ELSPBP1: variants seen among roughly 807,000 people sequenced by gnomAD.
ELSPBP1 encodes the protein epididymal sperm-binding protein 1.
A neutral mutation model predicts 33.3 loss-of-function variants in ELSPBP1; 38 were observed. The observed-to-expected ratio is 1.14, with a 90% CI of 0.88 to 1.50. The LOEUF is 1.50. Ranked by LOEUF, ELSPBP1 falls within the 40% of genes most tolerant of loss-of-function variation. ELSPBP1 has a pLI of 0.00. For synonymous variants in ELSPBP1, 85 were observed against 94.1 expected, an observed-to-expected ratio of 0.90 and a Z score of 0.56; for missense variants, 267 against 263.5, an observed-to-expected ratio of 1.01 and a Z score of -0.09.
intron 1 of ELSPBP1, among the ~76,000 whole-genome samples, chr19:47,999,080 G>T (rs1257100473): frequency 6.6e-6 from 1 of 152,180 alleles, no homozygotes. Flanking sequence ...CTCACACTGT[G>T]TGTGGCTGAC....
At chr19:48,014,760 A>AAG (rs966634765) in intron 3 of ELSPBP1, among the ~76,000 whole-genome samples, 1 of 151,562 alleles carries the variant, frequency 6.6e-6, no homozygotes, top group African/African-American at 2.4e-5. Context: ...AAATAAAAAA[A>AAG]AAAGAAAAAG....
intron 6 of ELSPBP1, among the ~76,000 whole-genome samples, chr19:48,023,429 AGG>A: frequency 8.7e-6 from 1 of 114,402 alleles, no homozygotes; most frequent in East Asian, 3.1e-4. Context: ...GGAGGGAAGG[AGG>A]AAGGGAGAAA....
intron 6 of ELSPBP1, among the ~76,000 whole-genome samples, chr19:48,023,199 AGGAAGGAAGGAG>A (rs1157973911): frequency 1.5e-5 from 2 of 131,760 alleles, no homozygotes; most frequent in African/African-American, 2.9e-5. Context: ...CGGAGGGGAA[AGGAAGGAAGGAG>A]GGAAGGAAGG....
Position 48,015,923 on chromosome 19 carries a change from A to G in ELSPBP1, c.239A>G (p.Tyr80Cys), listed in dbSNP as rs747733265. ...DYPRCIFPFI[Y>C]RGKAYNSCIS... Reference sequence around the variant, plus strand: ...CCACGCTGTATCTTCCCTTTCATCTATCGAGGAAAGGCTTATAACAGCTGC... The same window carrying G: ...CCACGCTGTATCTTCCCTTTCATCTGTCGAGGAAAGGCTTATAACAGCTGC... Residue 80 changes from tyrosine (Y) to cysteine (C), a missense_variant, in exon 4 of 7, where the codon TAT becomes TGT. Physicochemically the swap from Tyr to Cys is radical, Grantham distance 194. Transcript: ENST00000339841. 6.2e-7 allele frequency: 1 copy of G among 1,613,146 alleles called. No homozygotes were observed. Among genetic ancestry groups the G allele is most frequent in the Non-Finnish European group, 8.5e-7 (1 of 1,179,226 alleles).
chr19:48,007,254 G>A (rs1008811294), intron 1 of ELSPBP1, among the ~76,000 whole-genome samples: 2 of 152,176 alleles, frequency 1.3e-5, no homozygotes, highest in South Asian at 2.1e-4. Flanking sequence ...AGAGGGGAAG[G>A]GGTTTACGTT....
intron 1 of ELSPBP1, among the ~76,000 whole-genome samples, chr19:47,997,922 C>T (rs1351225647): frequency 2.0e-5 from 3 of 152,160 alleles, no homozygotes; most frequent in Admixed American, 2.0e-4. Flanking sequence ...CCCCTGGTTC[C>T]CACTTCCAGA....
Position 48,011,133 on chromosome 19 carries a change from TGAC to T in ELSPBP1, c.70+2399_70+2401del, listed in dbSNP as rs1883882791. Among the ~76,000 whole-genome samples, 1 of 136,492 alleles carries T rather than the reference TGAC, an allele frequency of 7.3e-6. No individual in the cohort carries two copies. Among genetic ancestry groups the T allele is most frequent in the African/African-American group, 2.8e-5 (1 of 35,964 alleles). 89.5% of individuals were successfully genotyped at this position (136,492 alleles called of 152,430 possible). A position where few individuals can be genotyped will look rare whatever the true frequency, so the allele number is the denominator to read the frequency against. ...ATGATGATGGTGACAGTGATGATGA[TGAC>T]GATGATGATAATGATTATGACAATG... is the stretch of plus-strand genomic sequence containing the variant. On this transcript the variant is annotated intron_variant, in intron 2 of 6. Transcript: ENST00000339841. This position sits in a 1 kb window ranked among gnomAD's most constrained non-coding sequence, Gnocchi z 4.5.
chr19:48,013,732 A>AATT (rs1967100965), intron 2 of ELSPBP1, among the ~76,000 whole-genome samples: 1 of 150,280 alleles, frequency 6.7e-6, no homozygotes, highest in South Asian at 2.1e-4. Flanking sequence ...AAAAAAAAGT[A>AATT]AATAAAATAA....
intron 2 of ELSPBP1, among the ~76,000 whole-genome samples, chr19:48,010,244 A>G (rs1050566585): frequency 6.6e-6 from 1 of 152,190 alleles, no homozygotes; most frequent in African/African-American, 2.4e-5. Context: ...AAAGTTTAGG[A>G]ACTCACAGTT....
chr19:48,011,492 A>G lies in ELSPBP1; in HGVS notation c.71-2679A>G, dbSNP rs886576152. ...AATAATGAGGTTGATGATAATGACA[A>G]TGACTGATAATGATGATGACAATGA... is the stretch of plus-strand genomic sequence containing the variant. On this transcript the variant is annotated intron_variant, in intron 2 of 6. Coordinates refer to ENST00000339841, the MANE Select transcript of ELSPBP1 (RefSeq NM_022142.5). The surrounding 1 kb of genome is among the most constrained non-coding windows in gnomAD (Gnocchi z 4.5). Among the ~76,000 whole-genome samples, 23 of 151,828 alleles carry G rather than the reference A, an allele frequency of 1.5e-4. No individual in the cohort carries two copies. Among genetic ancestry groups the G allele is most frequent in the African/African-American group, 5.1e-4 (21 of 41,296 alleles).
intron 1 of ELSPBP1, among the ~76,000 whole-genome samples, chr19:48,005,378 G>A (rs142605857): frequency 7.9e-5 from 12 of 152,218 alleles, no homozygotes; most frequent in African/African-American, 2.2e-4. Context: ...CAGGAAAAGC[G>A]GATAGATTCA....
rs1042414100 is a variant in ELSPBP1 at position 48,016,613 on chromosome 19, G to A, written c.355+574G>A. Among the ~76,000 whole-genome samples, 3 of 136,050 alleles carry A rather than the reference G, an allele frequency of 2.2e-5. No homozygotes were observed. In the Admixed American group the frequency reaches 2.3e-4, roughly 10 times the overall value. 89.3% of individuals were successfully genotyped at this position (136,050 alleles called of 152,430 possible). A position where few individuals can be genotyped will look rare whatever the true frequency, so the allele number is the denominator to read the frequency against. On this transcript the variant is annotated intron_variant, in intron 4 of 6. Coordinates refer to ENST00000339841, the MANE Select transcript of ELSPBP1 (RefSeq NM_022142.5). ...CTTTCTTTTTCTCTTTCTTTCTTCTGTTTTTTACAGGGTCTTGCTCTGTCA... is the reference window on the plus strand; with the variant it reads ...CTTTCTTTTTCTCTTTCTTTCTTCTATTTTTTACAGGGTCTTGCTCTGTCA...
intron 2 of ELSPBP1, among the ~76,000 whole-genome samples, chr19:48,010,114 G>A (rs949291933): frequency 1.3e-5 from 2 of 152,168 alleles, no homozygotes; most frequent in Non-Finnish European, 2.9e-5. Context: ...CAGTGTAGCA[G>A]TGCATTTGGG....
chr19:48,000,193 T>A (rs894460618), intron 1 of ELSPBP1, among the ~76,000 whole-genome samples: 19 of 151,688 alleles, frequency 1.3e-4, no homozygotes, highest in African/African-American at 3.6e-4. Context: ...TTGTATCATT[T>A]CATTCTTCCC....
intron 3 of ELSPBP1, 104 bp from the exon 4 acceptor site, chr19:48,015,789 C>G (rs893521622): frequency 9.1e-7 from 1 of 1,096,298 alleles, no homozygotes; most frequent in African/African-American, 1.6e-5. Flanking sequence ...CTCTTCTGAA[C>G]CTTATGTCTG....
At chr19:48,014,397 T>G in intron 3 of ELSPBP1, 89 bp downstream of exon 3, 1 of 1,464,488 alleles carries the variant, frequency 6.8e-7, no homozygotes, top group Non-Finnish European at 9.2e-7. Flanking sequence ...CATGATCACA[T>G]TTTTGCAGAC....
chr19:48,024,732 C>G (rs1350590963), intron 6 of ELSPBP1, among the ~76,000 whole-genome samples: 1 of 152,108 alleles, frequency 6.6e-6, no homozygotes, highest in Admixed American at 6.6e-5. Flanking sequence ...GGTCCCCTTC[C>G]CCTTAGCATA....
intron 1 of ELSPBP1, among the ~76,000 whole-genome samples, chr19:48,004,843 C>T (rs996256228): frequency 2.6e-5 from 4 of 152,218 alleles, no homozygotes; most frequent in African/African-American, 9.6e-5. Flanking sequence ...TAGCCCTGGC[C>T]CCACATCTTT....
At position 48,013,528 on chromosome 19, in the gene ELSPBP1, C is replaced by T. The variant is rs553068448; in HGVS notation, c.71-643C>T. ...GGTTAGGAGTTTGAGACCAGCCTGG[C>T]CAACATGGCAAAACCCCGTCTCTAC... On this transcript the variant is annotated intron_variant, in intron 2 of 6. Transcript: ENST00000339841. Among the ~76,000 whole-genome samples, 125 of 152,134 alleles carry T rather than the reference C, an allele frequency of 8.2e-4. 1 individual carries two copies. The highest frequency in any genetic ancestry group is 2.9e-3 in the African/African-American group (120 of 41,524).
Sources: gnomAD v4.1 joint callset for allele counts (sites outside exome capture counted in the v4.1 genomes callset) on GRCh38, gnomAD v4.1.1 for gene constraint, Gnocchi (gnomAD v3.1) non-coding constraint, MANE v1.5 for transcripts, NCBI Gene and HGNC (gene_info 2026-07-23, HGNC 2026-07-21) for gene names.